The following TSNARE1 variants were observed in gnomAD, a reference collection of about 807,000 sequenced individuals.
TSNARE1 encodes the protein t-SNARE domain containing 1, also known as t-SNARE domain-containing protein 1.
In TSNARE1, 49 loss-of-function variants were observed where a neutral mutation model predicts 62.0. The observed-to-expected ratio is 0.79, with a 90% CI of 0.63 to 1.00. The LOEUF is 1.00. Among genes scored for constraint, TSNARE1 ranks in the 50% least tolerant of loss-of-function variants. The pLI is 0.00. For missense variants in TSNARE1, 755 were observed against 700.1 expected, an observed-to-expected ratio of 1.08 and a Z score of -0.88; for synonymous variants, 328 against 294.4, an observed-to-expected ratio of 1.11 and a Z score of -1.17.
chr8:142,273,194 A>T (rs9792286), intron 12 of TSNARE1: 969,100 of 977,974 alleles, frequency 0.99, 480,113 homozygotes, highest in East Asian at 1. Context: ...CTCCTCCTTC[A>T]CCTCCTCCTC....
chr8:142,254,644 G>A (rs1818334705), intron 12 of TSNARE1, among the ~76,000 whole-genome samples: 1 of 152,160 alleles, frequency 6.6e-6, no homozygotes, highest in African/African-American at 2.4e-5. Context: ...CTGTGGGAGA[G>A]GTGTTCCGGC....
intron 13 of TSNARE1, among the ~76,000 whole-genome samples, chr8:142,212,565 C>T (rs999324079): frequency 2.6e-5 from 4 of 152,056 alleles, no homozygotes; most frequent in African/African-American, 9.7e-5. Context: ...CTGCCCTGCA[C>T]TCCATCCCTG....
rs777177667 is a variant in TSNARE1 at position 142,300,579 on chromosome 8, CAT to C, written c.1195_1196del (p.Met399ValfsTer14). The C allele has an allele frequency of 3.1e-6, 5 of 1,613,612 alleles. No homozygotes were observed. In the African/African-American group the frequency reaches 4.0e-5, roughly 13 times the overall value. The stretch of plus-strand genomic sequence containing the variant: ...GCAGCGCCTGCTCCTGGCCCTGCCA[CAT>C]GTTGTCACTCCCGTTAAAGACCTTC... The part of the protein sequence containing the change: ...DEKVFNGSDN[M>X]WQGQEQALLP... On this transcript the variant is annotated frameshift_variant, in exon 10 of 14. Transcript: ENST00000524325. LOFTEE classifies it high-confidence loss of function.
chr8:142,343,270 G>T (rs977227956), intron 4 of TSNARE1, among the ~76,000 whole-genome samples: 2 of 152,198 alleles, frequency 1.3e-5, no homozygotes, highest in Non-Finnish European at 2.9e-5. Context: ...GTTAAAAACA[G>T]TAACAGAGCA....
chr8:142,268,784 G>GC (rs1455138466), intron 12 of TSNARE1, among the ~76,000 whole-genome samples: 1 of 152,144 alleles, frequency 6.6e-6, no homozygotes, highest in Non-Finnish European at 1.5e-5. Context: ...GTGATGGGGG[G>GC]AGGCCTGCAG....
intron 1 of TSNARE1, among the ~76,000 whole-genome samples, chr8:142,376,679 C>T (rs1836368874): frequency 6.6e-6 from 1 of 152,196 alleles, no homozygotes; most frequent in Non-Finnish European, 1.5e-5. Context: ...GCTCCATGGC[C>T]TGGAGAAGGT....
intron 13 of TSNARE1, among the ~76,000 whole-genome samples, chr8:142,220,489 C>T (rs1313118440): frequency 3.3e-5 from 5 of 152,036 alleles, no homozygotes; most frequent in African/African-American, 1.2e-4. Flanking sequence ...CAGGAGACCT[C>T]GGGGAGCCTC....
Position 142,333,305 on chromosome 8 carries a change from G to A in TSNARE1, c.746-1474C>T, listed in dbSNP as rs1831317734. ...AGCTCGCTCCGAAACGCATGCAGGTGGAGGCACTAAAGGTCGATTAAACCA... is the reference window on the plus strand; with the variant it reads ...AGCTCGCTCCGAAACGCATGCAGGTAGAGGCACTAAAGGTCGATTAAACCA... On this transcript the variant is annotated intron_variant, in intron 4 of 13. Transcript: ENST00000524325. Among the ~76,000 whole-genome samples the A allele has an allele frequency of 2.0e-5, 3 of 152,316 alleles. No homozygotes were observed. The South Asian group carries it at 6.2e-4, about 32-fold the overall frequency.
At chr8:142,273,852 C>A in intron 12 of TSNARE1, 1 of 985,408 alleles carries the variant, frequency 1.0e-6, no homozygotes, top group South Asian at 4.7e-5. Flanking sequence ...TCTGCGGGCA[C>A]AGCTGTGATA....
chr8:142,399,810 T>C lies in TSNARE1; in HGVS notation c.-40+3294A>G, dbSNP rs184741539. On this transcript the variant is annotated intron_variant, in intron 1 of 13. Coordinates refer to ENST00000524325, the MANE Select transcript of TSNARE1 (RefSeq NM_145003.5). ...TTTAAAGAACACAATGAATGACAGC[T>C]GGACTGGGCCACAAGGTCAAAGTCT... 3.3e-5 allele frequency among the ~76,000 whole-genome samples: 5 copies of C among 152,288 alleles called. No homozygotes were observed. In the East Asian group the frequency reaches 7.7e-4, roughly 24 times the overall value.
intron 12 of TSNARE1, chr8:142,273,141 T>C (rs1819872697): frequency 1.0e-6 from 1 of 985,400 alleles, no homozygotes; most frequent in African/African-American, 1.7e-5. Context: ...ACGGCGTCCA[T>C]GGCACAGGTG....
At chr8:142,324,457 C>T (rs943687113) in intron 6 of TSNARE1, among the ~76,000 whole-genome samples, 25 of 152,304 alleles carry the variant, frequency 1.6e-4, no homozygotes, top group African/African-American at 6.0e-4. Flanking sequence ...CGAGGCCTGC[C>T]TGGGGGGTGT....
At chr8:142,244,343 A>G (rs916823560) in intron 12 of TSNARE1, among the ~76,000 whole-genome samples, 1 of 152,272 alleles carries the variant, frequency 6.6e-6, no homozygotes, top group African/African-American at 2.4e-5. Context: ...ACATCCAATT[A>G]GAAAATGTGG....
chr8:142,310,915 T>A (rs1827474659), intron 9 of TSNARE1, among the ~76,000 whole-genome samples: 1 of 152,208 alleles, frequency 6.6e-6, no homozygotes, highest in Admixed American at 6.5e-5. Context: ...AATGGCATGC[T>A]CTCAGCTCAC....
chr8:142,373,590 T>C (rs868648623), intron 1 of TSNARE1, among the ~76,000 whole-genome samples: 1 of 151,730 alleles, frequency 6.6e-6, no homozygotes, highest in African/African-American at 2.4e-5. Flanking sequence ...CTACAGCTGA[T>C]GGACGCTGGC....
chr8:142,260,157 GCCTGCCA>G (rs1297278650), intron 12 of TSNARE1, among the ~76,000 whole-genome samples: 1 of 152,074 alleles, frequency 6.6e-6, no homozygotes, highest in Non-Finnish European at 1.5e-5. Flanking sequence ...CGAACCCAGA[GCCTGCCA>G]CCTGGAAGCC....
intron 2 of TSNARE1, among the ~76,000 whole-genome samples, chr8:142,349,408 A>AT (rs1311539871): frequency 1.3e-5 from 2 of 152,238 alleles, no homozygotes; most frequent in Non-Finnish European, 2.9e-5. Flanking sequence ...TTTATTAGAA[A>AT]TGAATATTTA....
chr8:142,258,022 T>A (rs753543732), intron 12 of TSNARE1, among the ~76,000 whole-genome samples: 3 of 152,250 alleles, frequency 2.0e-5, no homozygotes, highest in Non-Finnish European at 4.4e-5. Flanking sequence ...CCTGTGCTTA[T>A]ACACACATGC....
At chr8:142,353,926 T>G (rs955834848) in intron 2 of TSNARE1, among the ~76,000 whole-genome samples, 1 of 151,490 alleles carries the variant, frequency 6.6e-6, no homozygotes, top group Non-Finnish European at 1.5e-5. Context: ...GCAAAGAGCT[T>G]GAGGCCCCAA....
Sources: gnomAD v4.1 joint callset for allele counts (sites outside exome capture counted in the v4.1 genomes callset) on GRCh38, gnomAD v4.1.1 for gene constraint, MANE v1.5 for transcripts, NCBI Gene and HGNC (gene_info 2026-07-23, HGNC 2026-07-21) for gene names.